The following ABLIM2 variants were observed in gnomAD, a reference collection of about 807,000 sequenced individuals.
The protein encoded by ABLIM2 is actin-binding LIM protein 2.
Under a neutral mutation model 97.7 loss-of-function variants are expected in ABLIM2, and 53 were observed. The ratio of observed to expected loss-of-function variants is 0.54; its 90% CI spans 0.44 to 0.68. ABLIM2 has a LOEUF of 0.68. ABLIM2 is among the 30% of genes least tolerant of loss of function. ABLIM2 has a pLI of 0.00. For missense variants in ABLIM2, 835 were observed against 867.2 expected (o/e 0.96, Z 0.47); for synonymous variants, 361 against 345.8 (o/e 1.04, Z -0.49).
At chr4:7,991,707 AG>A (rs1748871780) in intron 17 of ABLIM2, among the ~76,000 whole-genome samples, 1 of 152,104 alleles carries the variant, frequency 6.6e-6, no homozygotes, top group Non-Finnish European at 1.5e-5. Context: ...TCGTGGGGTG[AG>A]GGGTGTGGTT....
At chr4:8,074,292 G>A (rs1389428820) in intron 6 of ABLIM2, among the ~76,000 whole-genome samples, 1 of 151,892 alleles carries the variant, frequency 6.6e-6, no homozygotes, top group African/African-American at 2.4e-5. Context: ...CTGTCTCTAA[G>A]AAAATTTTAA....
At chr4:8,152,591 G>A (rs1037014660) in intron 1 of ABLIM2, among the ~76,000 whole-genome samples, 2 of 152,178 alleles carry the variant, frequency 1.3e-5, no homozygotes, top group African/African-American at 4.8e-5. Flanking sequence ...AAGACTGCTC[G>A]ACTCGGGTTG....
At chr4:7,983,620 G>A in intron 18 of ABLIM2, 66 bp from the exon 19 acceptor site, 1 of 1,587,152 alleles carries the variant, frequency 6.3e-7, no homozygotes, top group Non-Finnish European at 8.6e-7. Context: ...TCCAAGGTGA[G>A]TGCAATCCCT....
rs974947284 is a variant in ABLIM2 at position 8,130,261 on chromosome 4, G to A, written c.11-23624C>T. Among the ~76,000 whole-genome samples the A allele has an allele frequency of 5.9e-5, 9 of 152,196 alleles. No homozygotes were observed. The highest frequency in any genetic ancestry group is 1.0e-4 in the Non-Finnish European group (7 of 68,040). On this transcript the variant is annotated intron_variant, in intron 1 of 20. Coordinates refer to ENST00000447017, the MANE Select transcript of ABLIM2 (RefSeq NM_001130083.2). This position sits in a 1 kb window ranked among gnomAD's most constrained non-coding sequence, Gnocchi z 4.2. Reference sequence around the variant, plus strand: ...GGGTGGTGCTGGATGGCTGAGGCCCGGCCGCATCTGTCACCAGTTCCGGGA... The same window carrying A: ...GGGTGGTGCTGGATGGCTGAGGCCCAGCCGCATCTGTCACCAGTTCCGGGA...
At chr4:8,152,144 C>T (rs146572317) in intron 1 of ABLIM2, among the ~76,000 whole-genome samples, 197 of 152,240 alleles carry the variant, frequency 1.3e-3, no homozygotes, top group South Asian at 0.012. Context: ...TGCCCCCAAA[C>T]GGGCCAGGCT....
rs147952717 is a variant in ABLIM2, at chr4:8,127,390, C to T, written c.11-20753G>A. ...CGCTCGTGGTGCCGGCGCTCATGAC[C>T]TTCACGCAGGGCACAACTTGACTGG... On this transcript the variant is annotated intron_variant, in intron 1 of 20. Transcript: ENST00000447017. The surrounding 1 kb of genome is among the most constrained non-coding windows in gnomAD (Gnocchi z 7.3). Among the ~76,000 whole-genome samples, 875 of 152,328 alleles carry T rather than the reference C, an allele frequency of 5.7e-3. 8 individuals are homozygous for T. Among genetic ancestry groups the T allele is most frequent in the Middle Eastern group, 0.02 (6 of 294 alleles).
intron 20 of ABLIM2, among the ~76,000 whole-genome samples, chr4:7,978,182 C>G (rs555234908): frequency 6.6e-6 from 1 of 152,314 alleles, no homozygotes; most frequent in East Asian, 1.9e-4. Flanking sequence ...CCTGCACCCC[C>G]TCTGGCTCAC....
At chr4:8,025,946 C>T (rs1021816718) in intron 12 of ABLIM2, among the ~76,000 whole-genome samples, 1 of 152,324 alleles carries the variant, frequency 6.6e-6, no homozygotes, top group Non-Finnish European at 1.5e-5. Flanking sequence ...GTGGACCACA[C>T]GCAGCAAAGC....
Position 8,123,032 on chromosome 4 carries a change from A to T in ABLIM2, c.11-16395T>A, listed in dbSNP as rs542238956. Among the ~76,000 whole-genome samples the T allele has an allele frequency of 3.3e-5, 5 of 152,166 alleles. No individual in the cohort carries two copies. Among genetic ancestry groups the T allele is most frequent in the Middle Eastern group, 3.4e-3 (1 of 294 alleles). On this transcript the variant is annotated intron_variant, in intron 1 of 20. Transcript: ENST00000447017. This position sits in a 1 kb window ranked among gnomAD's most constrained non-coding sequence, Gnocchi z 6.2. Reference sequence around the variant, plus strand: ...TTCCCACTCTGCAAGCCTCCTTCCTATCTGCTGCTGCTCTTCCTGGCATGA... The same window carrying T: ...TTCCCACTCTGCAAGCCTCCTTCCTTTCTGCTGCTGCTCTTCCTGGCATGA...
Position 8,019,680 on chromosome 4 carries a change from GAAGA to G in ABLIM2, c.1370-13_1370-10del. 1 of 1,607,756 alleles carries G rather than the reference GAAGA, an allele frequency of 6.2e-7. No individual in the cohort carries two copies. Among genetic ancestry groups the G allele is most frequent in the Non-Finnish European group, 8.5e-7 (1 of 1,176,664 alleles). On this transcript the variant is annotated splice_polypyrimidine_tract_variant and intron_variant, in intron 13 of 20. Transcript: ENST00000447017. The surrounding 1 kb of genome is among the most constrained non-coding windows in gnomAD (Gnocchi z 4.3). ...ATCTTTTACGCCAGTGTCTGGGGAA[GAAGA>G]AAGAAAAAAAAGGAGAGAACAGGAG...
chr4:8,144,397 C>T lies in ABLIM2; in HGVS notation c.10+14283G>A, dbSNP rs539603271. ...GACACTGCCCCTTATGCCCCAGGGC[C>T]GCCGCTGGGGGACTTGTTCTATTTG... On this transcript the variant is annotated intron_variant, in intron 1 of 20. Coordinates refer to ENST00000447017, the MANE Select transcript of ABLIM2 (RefSeq NM_001130083.2). Among the ~76,000 whole-genome samples the T allele has an allele frequency of 1.1e-4, 16 of 152,342 alleles. No homozygotes were observed. The East Asian group carries it at 1.7e-3, about 17-fold the overall frequency.
rs1054401303 is a variant in ABLIM2 at position 8,071,636 on chromosome 4, G to A, written c.675+5992C>T. On this transcript the variant is annotated intron_variant, in intron 6 of 20. Coordinates refer to ENST00000447017, the MANE Select transcript of ABLIM2 (RefSeq NM_001130083.2). The surrounding 1 kb of genome is among the most constrained non-coding windows in gnomAD (Gnocchi z 6.2). ...TGCCAAGCGCCTTAGGGGGCAAAAC[G>A]GGGGTGGGGGAACAGGTGGCTCCGA... 18 of 911,720 alleles carry A rather than the reference G, an allele frequency of 2.0e-5. No individual in the cohort carries two copies. The highest frequency in any genetic ancestry group is 5.7e-4 in the Middle Eastern group (1 of 1,756). 56.5% of individuals were successfully genotyped at this position (911,720 alleles called of 1,614,324 possible).
chr4:8,064,400 C>A (rs531925412), intron 6 of ABLIM2, among the ~76,000 whole-genome samples: 2 of 152,158 alleles, frequency 1.3e-5, no homozygotes, highest in Non-Finnish European at 2.9e-5. Flanking sequence ...GGGAACAGGA[C>A]GGGTGGCTCT....
chr4:8,062,482 CTGGA>C (rs1194294201), intron 6 of ABLIM2, among the ~76,000 whole-genome samples: 3 of 151,050 alleles, frequency 2.0e-5, no homozygotes, highest in African/African-American at 7.3e-5. Flanking sequence ...GTCGCCCTGG[CTGGA>C]TGGAGTGCAG....
rs564097511 is a variant in ABLIM2, at chr4:8,149,134, C to T, written c.10+9546G>A. Among the ~76,000 whole-genome samples the T allele has an allele frequency of 1.9e-4, 29 of 152,294 alleles. No individual in the cohort carries two copies. Among genetic ancestry groups the T allele is most frequent in the Admixed American group, 7.8e-4 (12 of 15,310 alleles). On this transcript the variant is annotated intron_variant, in intron 1 of 20. Coordinates refer to ENST00000447017, the MANE Select transcript of ABLIM2 (RefSeq NM_001130083.2). This position sits in a 1 kb window ranked among gnomAD's most constrained non-coding sequence, Gnocchi z 6.4. ...GCCTCTTCCAGCTTCTAGGGGCACC[C>T]GAGTTTCTTGGTGTGGGGCCCCTCC...
rs1351466832 is a variant in ABLIM2, at chr4:8,132,271, CG to C, written c.11-25635del. ...CCAGCGCTGTGGCTGCCACCCATCA[CG>C]GGGGCATGGATGGGGTATAATTACT... On this transcript the variant is annotated intron_variant, in intron 1 of 20. Transcript: ENST00000447017. The surrounding 1 kb of genome is among the most constrained non-coding windows in gnomAD (Gnocchi z 8.0). Among the ~76,000 whole-genome samples, 1 of 152,170 alleles carries C rather than the reference CG, an allele frequency of 6.6e-6. No homozygotes were observed. The highest frequency in any genetic ancestry group is 1.5e-5 in the Non-Finnish European group (1 of 68,036).
chr4:8,030,487 G>A (rs1780262478), intron 10 of ABLIM2, among the ~76,000 whole-genome samples: 1 of 152,206 alleles, frequency 6.6e-6, no homozygotes, highest in Admixed American at 6.5e-5. Context: ...GGCCAGCACA[G>A]TGATGAGCAA....
At chr4:7,974,060 C>G (rs546904121) in intron 20 of ABLIM2, among the ~76,000 whole-genome samples, 136 of 152,314 alleles carry the variant, frequency 8.9e-4, no homozygotes, top group South Asian at 1.7e-3. Context: ...CTGCCTGAGT[C>G]CCCGGCTTGC....
At position 7,998,572 on chromosome 4, in the gene ABLIM2, TG is replaced by T. The variant is rs1754984027; in HGVS notation, c.1619-5646del. 6.4e-6 allele frequency: 3 copies of T among 467,576 alleles called. No homozygotes were observed. Among genetic ancestry groups the T allele is most frequent in the African/African-American group, 5.9e-5 (3 of 50,722 alleles). 29.0% of individuals were successfully genotyped at this position (467,576 alleles called of 1,614,324 possible). On this transcript the variant is annotated intron_variant, in intron 16 of 20. Coordinates refer to ENST00000447017, the MANE Select transcript of ABLIM2 (RefSeq NM_001130083.2). This position sits in a 1 kb window ranked among gnomAD's most constrained non-coding sequence, Gnocchi z 6.4. The stretch of plus-strand genomic sequence containing the variant: ...CTGCCACGGGTGGAGACCATGCCCC[TG>T]GGTTCACTCCCAGGACTGCGGGGTG...
Sources: allele counts gnomAD v4.1 joint callset (sites outside exome capture counted in the v4.1 genomes callset), GRCh38; gene constraint gnomAD v4.1.1; non-coding constraint Gnocchi (gnomAD v3.1); transcripts MANE v1.5; gene names NCBI Gene and HGNC (gene_info 2026-07-23, HGNC 2026-07-21).